ETV6: variants seen among roughly 807,000 people sequenced by gnomAD.
The protein encoded by ETV6 is ETS variant transcription factor 6.
In ETV6, 16 loss-of-function variants were observed where a neutral mutation model predicts 51.1. The observed-to-expected ratio is 0.31, with a 90% CI of 0.21 to 0.48. The LOEUF is 0.48. ETV6 is among the 20% of genes least tolerant of loss of function. ETV6 has a pLI of 0.99. For missense variants in ETV6, 458 were observed against 594.8 expected (o/e 0.77, Z 2.39); for synonymous variants, 240 against 224.1 (o/e 1.07, Z -0.64).
chr12:11,859,521 T>C (rs1044968724), intron 4 of ETV6, among the ~76,000 whole-genome samples: 1 of 152,184 alleles, frequency 6.6e-6, no homozygotes, highest in African/African-American at 2.4e-5. Flanking sequence ...TAAGCTCTTA[T>C]ATCTTTGAAT....
chr12:11,717,524 G>A (rs1438653084), intron 1 of ETV6, among the ~76,000 whole-genome samples: 2 of 152,188 alleles, frequency 1.3e-5, no homozygotes, highest in South Asian at 4.1e-4. Context: ...ACGCTATGGG[G>A]CATGTATACA....
chr12:11,842,526 A>G (rs1209759902), intron 3 of ETV6, among the ~76,000 whole-genome samples: 1 of 152,112 alleles, frequency 6.6e-6, no homozygotes, highest in Non-Finnish European at 1.5e-5. Flanking sequence ...ATTGTGTTCT[A>G]TTAAGTCGCC....
chr12:11,689,203 C>T (rs963154888), intron 1 of ETV6, among the ~76,000 whole-genome samples: 7 of 152,048 alleles, frequency 4.6e-5, no homozygotes, highest in Non-Finnish European at 1.0e-4. Flanking sequence ...GTAGATTGAA[C>T]CCCTGTGCTG....
chr12:11,807,524 T>C (rs1945846890), intron 2 of ETV6, among the ~76,000 whole-genome samples: 1 of 152,208 alleles, frequency 6.6e-6, no homozygotes, highest in Non-Finnish European at 1.5e-5. Context: ...GCAACTGTGC[T>C]GTGAAAACTC....
chr12:11,803,689 A>G (rs1274042028), intron 2 of ETV6, among the ~76,000 whole-genome samples: 2 of 152,180 alleles, frequency 1.3e-5, no homozygotes, highest in Non-Finnish European at 1.5e-5. Flanking sequence ...GAATAAGAAT[A>G]GGGCCTGTTT....
chr12:11,728,649 G>A (rs1203203847), intron 1 of ETV6, among the ~76,000 whole-genome samples: 2 of 152,066 alleles, frequency 1.3e-5, no homozygotes, highest in Middle Eastern at 6.8e-3. Flanking sequence ...AAAAAAAAAA[G>A]GTCCATTTAC....
chr12:11,894,101 A>T lies in ETV6; in HGVS notation c.*3055A>T, dbSNP rs1947352996. ...TTTCAGATTCAGTTAGCAAACCTTG[A>T]TGAAGCACCTGCTGGACACTGAGGG... On this transcript the variant is annotated 3_prime_UTR_variant, in exon 8 of 8. Coordinates refer to ENST00000396373, the MANE Select transcript of ETV6 (RefSeq NM_001987.5). 4.3e-6 allele frequency: 1 copy of T among 230,088 alleles called. No homozygotes were observed. Among genetic ancestry groups the T allele is most frequent in the African/African-American group, 2.2e-5 (1 of 45,146 alleles). The allele number at this position is 230,088 out of a possible 1,614,324, so 14.3% of individuals were successfully genotyped here. A position where few individuals can be genotyped will look rare whatever the true frequency, so the allele number is the denominator to read the frequency against.
rs149118680 is a variant in ETV6, at chr12:11,855,068, G to A, written c.463+1507G>A. Among the ~76,000 whole-genome samples the A allele has an allele frequency of 8.4e-3, 1,274 of 151,858 alleles. 54 individuals carry two copies. Among genetic ancestry groups the A allele is most frequent in the Admixed American group, 0.06 (921 of 15,246 alleles). ...CCCAGCACTTTGAGAGGCCGAGGCG[G>A]GCGGATCACGAGGTCAGGAGATCAA... On this transcript the variant is annotated intron_variant, in intron 4 of 7. Transcript: ENST00000396373.
chr12:11,822,569 G>T (rs1187884011), intron 2 of ETV6, among the ~76,000 whole-genome samples: 1 of 152,162 alleles, frequency 6.6e-6, no homozygotes, highest in Non-Finnish European at 1.5e-5. Flanking sequence ...CCTGCTGCGG[G>T]CTTGCTTTCC....
intron 1 of ETV6, among the ~76,000 whole-genome samples, chr12:11,694,475 G>A (rs551134385): frequency 3.9e-5 from 6 of 152,310 alleles, no homozygotes; most frequent in African/African-American, 1.2e-4. Context: ...CAAATGTACT[G>A]TCTTCTGTAA....
chr12:11,837,574 T>G (rs191186676), intron 2 of ETV6, among the ~76,000 whole-genome samples: 175 of 152,312 alleles, frequency 1.1e-3, no homozygotes, highest in Non-Finnish European at 2.3e-3. Flanking sequence ...CAGCCCCATA[T>G]AGCAAACCAG....
At chr12:11,757,563 T>C (rs1945026107) in intron 2 of ETV6, among the ~76,000 whole-genome samples, 1 of 152,238 alleles carries the variant, frequency 6.6e-6, no homozygotes, top group Non-Finnish European at 1.5e-5. Flanking sequence ...CTATTGATTC[T>C]GTTTGATGAG....
chr12:11,718,998 T>C (rs1865330857), intron 1 of ETV6, among the ~76,000 whole-genome samples: 1 of 152,208 alleles, frequency 6.6e-6, no homozygotes, highest in Non-Finnish European at 1.5e-5. Flanking sequence ...GCAGAATGTA[T>C]GTGTTTAGTG....
intron 4 of ETV6, among the ~76,000 whole-genome samples, chr12:11,866,022 C>T (rs188805972): frequency 4.6e-5 from 7 of 152,182 alleles, no homozygotes; most frequent in East Asian, 1.9e-4. Flanking sequence ...TGTTAGACCA[C>T]GTGATATTGT....
chr12:11,807,862 C>T (rs528438749), intron 2 of ETV6, among the ~76,000 whole-genome samples: 1 of 152,128 alleles, frequency 6.6e-6, no homozygotes, highest in African/African-American at 2.4e-5. Context: ...CTCCTGGTAA[C>T]AATAGGAATT....
At chr12:11,680,855 CT>C (rs1396510563) in intron 1 of ETV6, among the ~76,000 whole-genome samples, 1 of 152,160 alleles carries the variant, frequency 6.6e-6, no homozygotes, top group Non-Finnish European at 1.5e-5. Context: ...AATCTCAGAC[CT>C]TTTATTTCAG....
chr12:11,755,924 C>G (rs1035005454), intron 2 of ETV6, among the ~76,000 whole-genome samples: 3 of 152,024 alleles, frequency 2.0e-5, no homozygotes, highest in Non-Finnish European at 2.9e-5. Context: ...CTTCCTTTCT[C>G]TTCTTTCATT....
At chr12:11,650,266 G>A (rs1345228167) in intron 1 of ETV6, 106 bp downstream of exon 1, 16 of 1,001,666 alleles carry the variant, frequency 1.6e-5, no homozygotes, top group Non-Finnish European at 2.2e-5. Flanking sequence ...TGCTCTGTTC[G>A]CAGGAAATTA....
intron 2 of ETV6, among the ~76,000 whole-genome samples, chr12:11,827,113 A>C (rs993330259): frequency 4.3e-5 from 5 of 117,060 alleles, no homozygotes; most frequent in Non-Finnish European, 9.3e-5. Flanking sequence ...CACACACACA[A>C]ATGCAACACA....
Sources: allele counts gnomAD v4.1 joint callset (sites outside exome capture counted in the v4.1 genomes callset), GRCh38; gene constraint gnomAD v4.1.1; transcripts MANE v1.5; gene names NCBI Gene and HGNC (gene_info 2026-07-23, HGNC 2026-07-21).